The following MTERF4 variants were observed in gnomAD, a reference collection of about 807,000 sequenced individuals.
MTERF4 encodes the protein transcription termination factor 4, mitochondrial.
In MTERF4, 17 loss-of-function variants were observed where a neutral mutation model predicts 22.5. The ratio of observed to expected loss-of-function variants is 0.75; its 90% CI spans 0.52 to 1.13. The LOEUF (loss-of-function observed/expected upper bound fraction) is 1.13. Among genes scored for constraint, MTERF4 ranks in the 50% most tolerant of loss-of-function variants. The pLI, the probability that MTERF4 is intolerant of heterozygous loss-of-function variation, is 0.00. For synonymous variants in MTERF4, 165 were observed against 175.3 expected, an observed-to-expected ratio of 0.94 and a Z score of 0.47; for missense variants, 420 against 466.8, an observed-to-expected ratio of 0.90 and a Z score of 0.92.
At chr2:241,053,199 C>T in the MTERF4 span, 5 of 1,611,058 alleles carry the variant, frequency 3.1e-6, no homozygotes, top group Middle Eastern at 1.7e-4. Context: ...CCACACTGCG[C>T]TTCAACGGCA....
downstream of MTERF4, chr2:241,088,450 T>C (rs1381098284): frequency 2.6e-6 from 4 of 1,522,842 alleles, no homozygotes; most frequent in African/African-American, 2.7e-5. Flanking sequence ...TGCTGGGAAG[T>C]GGGGGGCGAC....
rs2064372536 is a variant in MTERF4 at position 241,095,797 on chromosome 2, C to T, written c.*201G>A. ...GGCCCTCCCCACAGACACGTGACAA[C>T]AGATCAAACATGCATTTCCTGTTTC... On this transcript the variant is annotated 3_prime_UTR_variant, in exon 4 of 4. Coordinates refer to ENST00000391980, the MANE Select transcript of MTERF4 (RefSeq NM_182501.4). 1.1e-6 allele frequency: 1 copy of T among 924,474 alleles called. No individual in the cohort carries two copies. Among genetic ancestry groups the T allele is most frequent in the African/African-American group, 1.7e-5 (1 of 60,164 alleles). 57.3% of individuals were successfully genotyped at this position (924,474 alleles called of 1,614,324 possible). A position where few individuals can be genotyped will look rare whatever the true frequency, so the allele number is the denominator to read the frequency against.
chr2:241,087,644 C>T, downstream of MTERF4: 2 of 1,426,882 alleles, frequency 1.4e-6, no homozygotes, highest in Non-Finnish European at 1.8e-6. Flanking sequence ...ACTGTATGTC[C>T]ATATATGTGC....
chr2:241,076,741 G>A lies in MTERF4; in HGVS notation n.480-1059C>T, dbSNP rs1175929236. On this transcript the variant is annotated intron_variant and non_coding_transcript_variant, in intron 4 of 4. Coordinates refer to the MTERF4 transcript ENST00000464344. ...GATAGGCATTTAGATCAGTGGAAAA[G>A]AACTGAGAGTCCAGGGCCGGGCGCG... Among the ~76,000 whole-genome samples the A allele has an allele frequency of 2.6e-5, 4 of 152,082 alleles. No homozygotes were observed. In the East Asian group the frequency reaches 7.8e-4, roughly 30 times the overall value.
At chr2:241,064,763 G>C in the MTERF4 span, 1 of 1,004,250 alleles carries the variant, frequency 1.0e-6, no homozygotes. This position sits in a 1 kb window ranked among gnomAD's most constrained non-coding sequence, Gnocchi z 7.0. Context: ...GAGGGACCCA[G>C]TGCCCCAGGA....
At chr2:241,098,244 C>G (rs1357998041) in intron 2 of MTERF4, among the ~76,000 whole-genome samples, 2 of 152,198 alleles carry the variant, frequency 1.3e-5, no homozygotes, top group African/African-American at 4.8e-5. Flanking sequence ...TAATTAATCA[C>G]CACCACACAT....
chr2:241,072,064 T>C (rs1273763464), downstream of MTERF4: 2 of 705,686 alleles, frequency 2.8e-6, no homozygotes, highest in East Asian at 5.4e-5. Flanking sequence ...TGCACCTCCA[T>C]GGCAGGAGGG....
intron 3 of MTERF4, 92 bp downstream of exon 3, chr2:241,097,151 G>A (rs149243244): frequency 2.6e-4 from 375 of 1,451,224 alleles, no homozygotes; most frequent in African/African-American, 5.3e-4. Context: ...CACTAATCAC[G>A]GTACCAGTCA....
At chr2:241,043,923 T>C in the MTERF4 span, among the ~76,000 whole-genome samples, 1 of 152,144 alleles carries the variant, frequency 6.6e-6, no homozygotes, top group African/African-American at 2.4e-5. Context: ...CCAACTCCAA[T>C]GTAAAAGATA....
At chr2:241,066,465 C>T in the MTERF4 span, among the ~76,000 whole-genome samples, 1 of 152,180 alleles carries the variant, frequency 6.6e-6, no homozygotes, top group African/African-American at 2.4e-5. Context: ...TCGGAACAGG[C>T]TGGGCAGGAA....
At chr2:241,090,339 A>C (rs1420087646), downstream of MTERF4, 2 of 1,550,322 alleles carry the variant, frequency 1.3e-6, no homozygotes, top group Non-Finnish European at 1.7e-6. Flanking sequence ...AGTAACACAC[A>C]TGGAGCTGCC....
chr2:241,082,409 TC>T (rs1235796387), downstream of MTERF4: 7 of 1,462,832 alleles, frequency 4.8e-6, no homozygotes, highest in Admixed American at 3.4e-5. Context: ...TGTCGTGTGT[TC>T]TTGACTCCTC....
At chr2:241,069,979 G>C, downstream of MTERF4, 3 of 1,612,980 alleles carry the variant, frequency 1.9e-6, no homozygotes, top group Non-Finnish European at 2.5e-6. This position sits in a 1 kb window ranked among gnomAD's most constrained non-coding sequence, Gnocchi z 4.9. Context: ...TGCCCACGTG[G>C]TCTGGGATGC....
At chr2:241,100,785 T>A (rs1336949165) in intron 1 of MTERF4, among the ~76,000 whole-genome samples, 1 of 152,164 alleles carries the variant, frequency 6.6e-6, no homozygotes, top group Non-Finnish European at 1.5e-5. Flanking sequence ...CAGTCATGAG[T>A]AGGCTATTAG....
chr2:241,097,345 G>C lies in MTERF4; in HGVS notation c.603C>G (p.Leu201=), dbSNP rs1282629702. 4 of 1,614,192 alleles carry C rather than the reference G, an allele frequency of 2.5e-6. No individual in the cohort carries two copies. The highest frequency in any genetic ancestry group is 3.4e-6 in the Non-Finnish European group (4 of 1,180,032). ...QQDINDTVRL[L]KEKCLFTVQQ... ...GTACCGTGAAAAGGCACTTCTCCTT[G>C]AGAAGCCTGACAGTGTCGTTAATGT... is the stretch of plus-strand genomic sequence containing the variant. The change falls in exon 3 of 4, where the codon CTC becomes CTG. Residue 201 remains leucine (L), a synonymous_variant. Coordinates refer to ENST00000391980, the MANE Select transcript of MTERF4 (RefSeq NM_182501.4).
At chr2:241,057,412 T>TATATATATATA in the MTERF4 span, among the ~76,000 whole-genome samples, 1 of 129,374 alleles carries the variant, frequency 7.7e-6, no homozygotes, top group African/African-American at 3.0e-5. Context: ...TATATATATA[T>TATATATATATA]GCCATACGCA....
At chr2:241,055,346 C>T in the MTERF4 span, among the ~76,000 whole-genome samples, 2 of 152,064 alleles carry the variant, frequency 1.3e-5, no homozygotes, top group Non-Finnish European at 2.9e-5. Flanking sequence ...CGAGAATATC[C>T]TAGACAAACA....
downstream of MTERF4, chr2:241,071,563 G>A (rs2062719468): frequency 1.9e-6 from 3 of 1,574,720 alleles, no homozygotes; most frequent in Non-Finnish European, 2.6e-6. Context: ...CCTTCCTCCT[G>A]CCTGCTCTGC....
chr2:241,053,793 G>A, the MTERF4 span, among the ~76,000 whole-genome samples: 1 of 152,204 alleles, frequency 6.6e-6, no homozygotes, highest in Non-Finnish European at 1.5e-5. Flanking sequence ...ACCCCTGTCT[G>A]GCTTGGGAGC....
Sources: gnomAD v4.1 joint callset for allele counts (sites outside exome capture counted in the v4.1 genomes callset) on GRCh38, gnomAD v4.1.1 for gene constraint, Gnocchi (gnomAD v3.1) non-coding constraint, MANE v1.5 for transcripts, NCBI Gene and HGNC (gene_info 2026-07-23, HGNC 2026-07-21) for gene names.